The following SLC8A1 variants were observed in gnomAD, a reference collection of about 807,000 sequenced individuals.
The protein encoded by SLC8A1 is sodium/calcium exchanger 1.
Under a neutral mutation model 68.3 loss-of-function variants are expected in SLC8A1, and 18 were observed. The ratio of observed to expected loss-of-function variants is 0.26; its 90% CI spans 0.18 to 0.39. SLC8A1 has a LOEUF of 0.39. Ranked by LOEUF, SLC8A1 falls within the 10% of genes least tolerant of loss-of-function variation. The pLI, the probability that SLC8A1 is intolerant of heterozygous loss-of-function variation, is 1.00. For synonymous variants in SLC8A1, 475 were observed against 415.5 expected (o/e 1.14, Z -1.74); for missense variants, 985 against 1,156.7 (o/e 0.85, Z 2.15).
intron 2 of SLC8A1, among the ~76,000 whole-genome samples, chr2:40,379,483 T>A (rs1480083961): frequency 6.6e-6 from 1 of 152,110 alleles, no homozygotes; most frequent in African/African-American, 2.4e-5. Flanking sequence ...CCATCCCACT[T>A]ATAAGCATGG....
intron 2 of SLC8A1, among the ~76,000 whole-genome samples, chr2:40,256,598 C>T (rs2063961144): frequency 6.6e-6 from 1 of 152,152 alleles, no homozygotes; most frequent in East Asian, 1.9e-4. Context: ...CACATTATTG[C>T]TCCATAATAA....
rs573962918 is a variant in SLC8A1, at chr2:40,428,624, T to C, written c.1657A>G (p.Ile553Val). 4.8e-5 allele frequency: 77 copies of C among 1,613,862 alleles called. No homozygotes were observed. In the South Asian group the frequency reaches 8.1e-4, roughly 17 times the overall value. Residue 553 changes from isoleucine to valine, a missense_variant, in exon 2 of 8, where the codon ATT (isoleucine) becomes GTT (valine). By Grantham distance (29) the Ile-to-Val change is conservative. Coordinates refer to ENST00000406785, the Ensembl canonical transcript of SLC8A1. ...AATACTTTCACCTCCATGATGCCAA[T>C]GCTCTCACTCACATGAGTCACAGGT...
chr2:40,382,887 TATTATA>T lies in SLC8A1; in HGVS notation c.1808+45580_1808+45585del, dbSNP rs577781559. On this transcript the variant is annotated intron_variant, in intron 2 of 7. Transcript: ENST00000406785. ...ACTACCAGGAATATAAGAGGGATTCTATTATAATTATGTCTTTCTTGGTTGATTCAT... is the reference window on the plus strand; with the variant it reads ...ACTACCAGGAATATAAGAGGGATTCTATTATGTCTTTCTTGGTTGATTCAT... Among the ~76,000 whole-genome samples the T allele has an allele frequency of 2.2e-4, 34 of 152,282 alleles. No homozygotes were observed. The South Asian group carries it at 7.0e-3, about 32-fold the overall frequency.
chr2:40,287,898 G>A (rs1224766053), intron 2 of SLC8A1, among the ~76,000 whole-genome samples: 1 of 152,064 alleles, frequency 6.6e-6, no homozygotes, highest in Non-Finnish European at 1.5e-5. Context: ...CTCCTGCAGG[G>A]ATTCTGGAAA....
At chr2:40,284,230 G>T (rs996851391) in intron 2 of SLC8A1, among the ~76,000 whole-genome samples, 3 of 150,004 alleles carry the variant, frequency 2.0e-5, no homozygotes, top group Non-Finnish European at 4.4e-5. Flanking sequence ...ATATCTATAT[G>T]CCAATATCTA....
At chr2:40,185,607 G>A (rs940882255) in intron 2 of SLC8A1, among the ~76,000 whole-genome samples, 1 of 152,144 alleles carries the variant, frequency 6.6e-6, no homozygotes, top group Non-Finnish European at 1.5e-5. Context: ...AAAAGGCCGG[G>A]TGGGGTGGAG....
intron 2 of SLC8A1, among the ~76,000 whole-genome samples, chr2:40,307,575 G>T (rs183186980): frequency 8.9e-4 from 135 of 152,212 alleles, no homozygotes; most frequent in African/African-American, 3.1e-3. Flanking sequence ...ATAATTCAGC[G>T]AAAGGAAACA....
chr2:40,427,833 C>A (rs1056391853), intron 2 of SLC8A1, among the ~76,000 whole-genome samples: 1 of 152,072 alleles, frequency 6.6e-6, no homozygotes, highest in African/African-American at 2.4e-5. Context: ...TAAAATAAAA[C>A]CGGACTTGAA....
chr2:40,425,818 T>G (rs977433738), intron 2 of SLC8A1, among the ~76,000 whole-genome samples: 4 of 151,876 alleles, frequency 2.6e-5, no homozygotes, highest in Non-Finnish European at 5.9e-5. Context: ...AAAATAATGT[T>G]TTCTAAGCTG....
chr2:40,323,198 T>A (rs558853650), intron 2 of SLC8A1, among the ~76,000 whole-genome samples: 1 of 152,282 alleles, frequency 6.6e-6, no homozygotes, highest in South Asian at 2.1e-4. Flanking sequence ...AGATTGATAA[T>A]AATTTTTCTT....
intron 2 of SLC8A1, among the ~76,000 whole-genome samples, chr2:40,374,648 G>A (rs1679215466): frequency 6.6e-6 from 1 of 151,962 alleles, no homozygotes; most frequent in Non-Finnish European, 1.5e-5. Flanking sequence ...GAACCAAGGT[G>A]ATGGTGGCAG....
chr2:40,150,110 G>A (rs983906517), intron 6 of SLC8A1, among the ~76,000 whole-genome samples: 22 of 150,544 alleles, frequency 1.5e-4, no homozygotes, highest in African/African-American at 4.6e-4. Context: ...TTTCCAGCTC[G>A]GGGCCAGGAT....
intron 4 of SLC8A1, among the ~76,000 whole-genome samples, chr2:40,165,977 C>G (rs2046483219): frequency 6.6e-6 from 1 of 152,158 alleles, no homozygotes; most frequent in Non-Finnish European, 1.5e-5. Context: ...AACATTGTCT[C>G]CAATGAAACA....
At chr2:40,463,152 T>G (rs1311365938) in intron 1 of SLC8A1, among the ~76,000 whole-genome samples, 2 of 152,172 alleles carry the variant, frequency 1.3e-5, no homozygotes, top group African/African-American at 2.4e-5. Flanking sequence ...AGAGCTAACC[T>G]TTTTTAGTAG....
intron 2 of SLC8A1, among the ~76,000 whole-genome samples, chr2:40,324,997 T>G (rs1410247941): frequency 1.3e-5 from 2 of 152,024 alleles, no homozygotes; most frequent in Non-Finnish European, 2.9e-5. Context: ...CTAACAGCAC[T>G]TCCACACTCT....
chr2:40,376,975 G>A (rs941807753), intron 2 of SLC8A1, among the ~76,000 whole-genome samples: 2 of 152,030 alleles, frequency 1.3e-5, no homozygotes, highest in Non-Finnish European at 2.9e-5. Context: ...CTTCTCTTGA[G>A]TGGGAACAAT....
At chr2:40,335,734 G>T (rs1012861548) in intron 2 of SLC8A1, among the ~76,000 whole-genome samples, 1 of 152,216 alleles carries the variant, frequency 6.6e-6, no homozygotes, top group African/African-American at 2.4e-5. Flanking sequence ...ACAAGTGATT[G>T]AAATAAGGTA....
chr2:40,219,906 A>G (rs1319608145), intron 2 of SLC8A1, among the ~76,000 whole-genome samples: 1 of 19,248 alleles, frequency 5.2e-5, no homozygotes, highest in Non-Finnish European at 1.4e-4. Context: ...TTTTTTTTAG[A>G]AAATCAATAC....
chr2:40,292,942 A>G (rs1002670), intron 2 of SLC8A1, among the ~76,000 whole-genome samples: 2,485 of 152,234 alleles, frequency 0.016, 72 homozygotes, highest in African/African-American at 0.057. Flanking sequence ...CCTTTGAGAA[A>G]CCATAGATCA....
Sources: allele counts gnomAD v4.1 joint callset (sites outside exome capture counted in the v4.1 genomes callset), GRCh38; gene constraint gnomAD v4.1.1; transcripts MANE v1.5; gene names NCBI Gene and HGNC (gene_info 2026-07-23, HGNC 2026-07-21).